Variants in SLC13A4 observed in about 807,000 individuals in gnomAD.
The protein encoded by SLC13A4 is Na(+)/sulfate cotransporter SUT-1.
SLC13A4 carries 28 observed loss-of-function variants against 72.7 expected under a neutral mutation model. The ratio of observed to expected loss-of-function variants is 0.39; its 90% confidence interval spans 0.29 to 0.53. The LOEUF (loss-of-function observed/expected upper bound fraction) is 0.53, where lower values mean the gene tolerates loss of function less well. Ranked by LOEUF, SLC13A4 falls within the 20% of genes least tolerant of loss-of-function variation. The probability of loss-of-function intolerance (pLI) is 0.78; values close to 1 mark genes in which losing one functional copy is unlikely to be tolerated. For synonymous variants in SLC13A4, 312 were observed against 325.5 expected, an observed-to-expected ratio of 0.96 and a Z score of 0.45; for missense variants, 653 against 788.0, an observed-to-expected ratio of 0.83 and a Z score of 2.05.
chr7:135,699,384 G>A lies in SLC13A4; in HGVS notation c.879C>T (p.Ile293=), dbSNP rs1177662553. The part of the protein sequence containing the change: ...TTIIGTSTSL[I]FLEHFNNQYP... ...CTTACTTGTTGAAGTGTTCCAGGAA[G>A]ATGAGGCTGGTGGAGGTGCCGATGA... The change falls in exon 8 of 16, where the codon ATC becomes ATT. Residue 293 remains isoleucine (I), a synonymous_variant. Coordinates refer to ENST00000682651, the MANE Select transcript of SLC13A4 (RefSeq NM_001318192.2). The A allele has an allele frequency of 1.1e-5, 17 of 1,612,222 alleles. No individual in the cohort carries two copies. Among genetic ancestry groups the A allele is most frequent in the Non-Finnish European group, 1.4e-5 (17 of 1,179,196 alleles).
chr7:135,703,130 G>A (rs538788191), intron 5 of SLC13A4: 15 of 542,896 alleles, frequency 2.8e-5, no homozygotes, highest in Admixed American at 9.9e-5. Context: ...ATTAACAATC[G>A]TCCTAACAGC....
At chr7:135,693,097 T>TCC (rs199822134) in intron 10 of SLC13A4, 7 of 44,984 alleles carry the variant, frequency 1.6e-4, no homozygotes, top group Admixed American at 2.9e-4. Flanking sequence ...TGAGACTCCA[T>TCC]CCCAAAAAAA....
At chr7:135,692,110 G>C (rs1795801375) in intron 11 of SLC13A4, 3 of 566,226 alleles carry the variant, frequency 5.3e-6, no homozygotes, top group Non-Finnish European at 9.3e-6. Flanking sequence ...CTTATGTAAT[G>C]AGACTACATG....
chr7:135,712,840 T>G (rs1796334105), intron 2 of SLC13A4, among the ~76,000 whole-genome samples: 1 of 152,224 alleles, frequency 6.6e-6, no homozygotes, highest in Non-Finnish European at 1.5e-5. Flanking sequence ...TGATTGTTAT[T>G]GTTTTCTAGA....
intron 13 of SLC13A4, among the ~76,000 whole-genome samples, chr7:135,689,940 G>A (rs756930740): frequency 6.6e-6 from 1 of 152,120 alleles, no homozygotes; most frequent in Non-Finnish European, 1.5e-5. Context: ...AGTACTTTGG[G>A]AGGCCAAGGT....
At chr7:135,711,165 A>G (rs1796292215) in intron 2 of SLC13A4, among the ~76,000 whole-genome samples, 1 of 152,092 alleles carries the variant, frequency 6.6e-6, no homozygotes, top group Non-Finnish European at 1.5e-5. Context: ...TTTCTTGTCT[A>G]CCGAGGAGAG....
intron 13 of SLC13A4, among the ~76,000 whole-genome samples, chr7:135,690,292 A>C (rs1212603009): frequency 6.6e-6 from 1 of 151,278 alleles, no homozygotes; most frequent in Admixed American, 6.6e-5. Context: ...CATTCTTAAG[A>C]TTGTTTTCTA....
At chr7:135,705,468 T>TGGGGGGGGGGGGGGGGGTG (rs1409850639) in intron 5 of SLC13A4, 128 bp downstream of exon 5, 1 of 604,688 alleles carries the variant, frequency 1.7e-6, no homozygotes, top group Non-Finnish European at 2.6e-6. Context: ...GGTGGGGGGG[T>TGGGGGGGGGGGGGGGGGTG]GGTGTGGCAA....
intron 3 of SLC13A4, chr7:135,707,788 T>G: frequency 4.8e-6 from 1 of 209,094 alleles, no homozygotes. Flanking sequence ...TGTTCCCTGA[T>G]ACACAGGAAA....
chr7:135,727,842 T>A lies in SLC13A4; in HGVS notation c.-346A>T. On this transcript the variant is annotated 5_prime_UTR_variant, in exon 1 of 16. It adds an upstream start codon to the 5' untranslated region. Transcript: ENST00000682651. Reference sequence around the variant, plus strand: ...GTGTCAGCAGAAACCCCCTTAATCCTTTAAGCCACACCTTTGCTGCTGCTG... The same window carrying A: ...GTGTCAGCAGAAACCCCCTTAATCCATTAAGCCACACCTTTGCTGCTGCTG... 1 of 239,284 alleles carries A rather than the reference T, an allele frequency of 4.2e-6. No individual in the cohort carries two copies. The highest frequency in any genetic ancestry group is 8.0e-6 in the Non-Finnish European group (1 of 125,224). 14.8% of individuals were successfully genotyped at this position (239,284 alleles called of 1,614,324 possible). A position where few individuals can be genotyped will look rare whatever the true frequency, so the allele number is the denominator to read the frequency against.
In SLC13A4 at chr7:135,727,641, G is replaced by T; in HGVS notation, c.-145C>A. On this transcript the variant is annotated 5_prime_UTR_variant, in exon 1 of 16. Transcript: ENST00000682651. The stretch of plus-strand genomic sequence containing the variant: ...CTCCTTCGTCTTGGGGGCAGAACGG[G>T]AGGGCAGTTATACCCTCGCTGTTTC... 1 of 1,037,588 alleles carries T rather than the reference G, an allele frequency of 9.6e-7. No homozygotes were observed. The highest frequency in any genetic ancestry group is 1.4e-6 in the Non-Finnish European group (1 of 739,048). 64.3% of individuals were successfully genotyped at this position (1,037,588 alleles called of 1,614,324 possible).
At chr7:135,691,864 T>C (rs1563157584) in intron 11 of SLC13A4, 1 of 497,862 alleles carries the variant, frequency 2.0e-6, no homozygotes, top group Non-Finnish European at 3.6e-6. Flanking sequence ...GTAGATGTCT[T>C]AATGTGAATT....
intron 13 of SLC13A4, among the ~76,000 whole-genome samples, chr7:135,690,065 C>G (rs1313975688): frequency 6.6e-6 from 1 of 150,872 alleles, no homozygotes; most frequent in African/African-American, 2.4e-5. Flanking sequence ...CTTGTGATCC[C>G]AGCTATTTGG....
chr7:135,721,406 G>T lies in SLC13A4; in HGVS notation c.217C>A (p.Arg73=). The change falls in exon 2 of 16, where the codon CGG becomes AGG. Residue 73 remains arginine (R), a synonymous_variant. Coordinates refer to ENST00000682651, the MANE Select transcript of SLC13A4 (RefSeq NM_001318192.2). ...ACAAGTAGTCTAACCTCATTGGACCGGAGGACTCCGAAGAACGGGTAAAGG... is the reference window on the plus strand; with the variant it reads ...ACAAGTAGTCTAACCTCATTGGACCTGAGGACTCCGAAGAACGGGTAAAGG... The part of the protein sequence containing the change: ...AFLYPFFGVL[R]SNEVAAEYFK... 6.2e-7 allele frequency: 1 copy of T among 1,614,004 alleles called. No homozygotes were observed. The highest frequency in any genetic ancestry group is 1.1e-5 in the South Asian group (1 of 91,068).
intron 2 of SLC13A4, among the ~76,000 whole-genome samples, chr7:135,720,178 A>G (rs1222509899): frequency 6.6e-6 from 1 of 152,214 alleles, no homozygotes; most frequent in Non-Finnish European, 1.5e-5. Flanking sequence ...AGAAGTGAAG[A>G]GACTCACAGT....
intron 5 of SLC13A4, 46 bp downstream of exon 5, chr7:135,705,550 T>TA: frequency 6.3e-7 from 1 of 1,586,098 alleles, no homozygotes; most frequent in Non-Finnish European, 8.7e-7. Flanking sequence ...TGACCTCCCC[T>TA]ATGGACTCTG....
intron 13 of SLC13A4, among the ~76,000 whole-genome samples, chr7:135,689,941 AG>A (rs754223638): frequency 2.0e-5 from 3 of 152,112 alleles, no homozygotes; most frequent in Non-Finnish European, 4.4e-5. Flanking sequence ...GTACTTTGGG[AG>A]GCCAAGGTGG....
Position 135,691,272 on chromosome 7 carries a change from A to G in SLC13A4, c.1375T>C (p.Phe459Leu). ...GTEPIITWKDFQKTMPWEIVI... is the reference protein window; with the variant it reads ...GTEPIITWKDLQKTMPWEIVI... ...ATCTCCCAGGGCATGGTCTTCTGGA[A>G]GTCCTTCCACGTGATGATGGGCTCG... Residue 459 changes from phenylalanine (F) to leucine (L), a missense_variant, in exon 13 of 16, where the codon TTC becomes CTC. Coordinates refer to ENST00000682651, the MANE Select transcript of SLC13A4 (RefSeq NM_001318192.2). 1 of 1,613,710 alleles carries G rather than the reference A, an allele frequency of 6.2e-7. No individual in the cohort carries two copies. Among genetic ancestry groups the G allele is most frequent in the Middle Eastern group, 1.7e-4 (1 of 6,060 alleles).
chr7:135,691,925 G>A, intron 11 of SLC13A4: 1 of 435,678 alleles, frequency 2.3e-6, no homozygotes. Context: ...CAGGAGTGGA[G>A]TTGGTTAGAT....
Sources: allele counts gnomAD v4.1 joint callset (sites outside exome capture counted in the v4.1 genomes callset), GRCh38; gene constraint gnomAD v4.1.1; transcripts MANE v1.5; gene names NCBI Gene and HGNC (gene_info 2026-07-23, HGNC 2026-07-21).